Variants in PHF14 observed in about 807,000 individuals in gnomAD.
The protein encoded by PHF14 is PHD finger protein 14.
A neutral mutation model predicts 117.9 loss-of-function variants in PHF14; 55 were observed. The ratio of observed to expected loss-of-function variants is 0.47; its 90% CI spans 0.38 to 0.58. The LOEUF is 0.58. Among genes scored for constraint, PHF14 ranks in the 20% least tolerant of loss-of-function variants. The pLI is 0.00. For missense variants in PHF14, 978 were observed against 1,122.2 expected (o/e 0.87, Z 1.84); for synonymous variants, 409 against 368.6 (o/e 1.11, Z -1.26).
At chr7:11,140,400 T>G (rs1788367307) in intron 17 of PHF14, among the ~76,000 whole-genome samples, 1 of 152,176 alleles carries the variant, frequency 6.6e-6, no homozygotes, top group South Asian at 2.1e-4. Context: ...GCCATTATAG[T>G]ACATTAGGGC....
Position 11,035,639 on chromosome 7 carries a change from G to A in PHF14, c.1456-1G>A. 1.2e-6 allele frequency: 2 copies of A among 1,603,394 alleles called. No individual in the cohort carries two copies. The highest frequency in any genetic ancestry group is 1.7e-6 in the Non-Finnish European group (2 of 1,173,058). Reference sequence around the variant, plus strand: ...TATTTTTCTGTGCTTTCTTTGTATAGGATATAGCAGATCCATTCTTTGCTT... The same window carrying A: ...TATTTTTCTGTGCTTTCTTTGTATAAGATATAGCAGATCCATTCTTTGCTT... On this transcript the variant is annotated splice_acceptor_variant, in intron 7 of 17. Transcript: ENST00000634607. LOFTEE classifies it high-confidence loss of function.
intron 17 of PHF14, among the ~76,000 whole-genome samples, chr7:11,155,259 A>G (rs556448581): frequency 6.6e-6 from 1 of 152,196 alleles, no homozygotes; most frequent in Non-Finnish European, 1.5e-5. Context: ...TGGGTAGTGT[A>G]GGTATCAAAG....
intron 17 of PHF14, among the ~76,000 whole-genome samples, chr7:11,124,204 C>CTA (rs1024822441): frequency 2.0e-5 from 3 of 151,916 alleles, no homozygotes; most frequent in African/African-American, 7.3e-5. Flanking sequence ...AAATTATCTG[C>CTA]AATTTAGCAC....
intron 16 of PHF14, among the ~76,000 whole-genome samples, chr7:11,068,881 CAGAT>C (rs1050953497): frequency 3.3e-5 from 5 of 152,122 alleles, no homozygotes; most frequent in African/African-American, 7.2e-5. Context: ...TTCAGATACT[CAGAT>C]AGTCTTTATT....
At chr7:11,037,629 T>C (rs1384028005) in intron 10 of PHF14, among the ~76,000 whole-genome samples, 1 of 152,204 alleles carries the variant, frequency 6.6e-6, no homozygotes, top group Non-Finnish European at 1.5e-5. Context: ...TTCATGTACC[T>C]CTTCATCGTA....
At position 11,058,401 on chromosome 7, in the gene PHF14, GA is replaced by G. The variant is rs553040147; in HGVS notation, c.2482-3380del. Reference sequence around the variant, plus strand: ...AGTTGCTGCCACTTCATTAAAACTAGAAAAAAAAAATCCCATAGCTTTCAAC... The same window carrying G: ...AGTTGCTGCCACTTCATTAAAACTAGAAAAAAAAATCCCATAGCTTTCAAC... On this transcript the variant is annotated intron_variant, in intron 14 of 17. Coordinates refer to ENST00000634607, the MANE Select transcript of PHF14 (RefSeq NM_001007157.2). 6.2e-3 allele frequency among the ~76,000 whole-genome samples: 932 copies of G among 149,162 alleles called. 4 individuals are homozygous for G. The highest frequency in any genetic ancestry group is 7.2e-3 in the Non-Finnish European group (486 of 67,132).
intron 16 of PHF14, among the ~76,000 whole-genome samples, chr7:11,072,705 C>T (rs1010835232): frequency 1.1e-4 from 15 of 134,442 alleles, no homozygotes; most frequent in Admixed American, 9.0e-4. Context: ...GCTATAAATA[C>T]CTGAGGCTAG....
chr7:11,083,255 C>T (rs985749654), intron 16 of PHF14, among the ~76,000 whole-genome samples: 1 of 152,072 alleles, frequency 6.6e-6, no homozygotes, highest in Admixed American at 6.6e-5. Flanking sequence ...GCTGAGAAAT[C>T]CTTTGTCTGA....
At chr7:10,997,974 A>AGT (rs750701346) in intron 4 of PHF14, among the ~76,000 whole-genome samples, 1 of 152,220 alleles carries the variant, frequency 6.6e-6, no homozygotes, top group Non-Finnish European at 1.5e-5. Flanking sequence ...CTGATTATTA[A>AGT]GGGCTATCTT....
At chr7:11,159,345 G>A (rs1227619914) in intron 17 of PHF14, among the ~76,000 whole-genome samples, 1 of 151,880 alleles carries the variant, frequency 6.6e-6, no homozygotes, top group East Asian at 1.9e-4. Context: ...GTAAACGTGT[G>A]CTATGGTTTG....
intron 2 of PHF14, among the ~76,000 whole-genome samples, chr7:10,977,804 T>A (rs1009990184): frequency 6.6e-6 from 1 of 152,148 alleles, no homozygotes; most frequent in African/African-American, 2.4e-5. Context: ...GTTTTGTAGG[T>A]CCAAAACACA....
chr7:11,063,654 T>C lies in PHF14; in HGVS notation c.2654+1569T>C, dbSNP rs1785318306. Reference sequence around the variant, plus strand: ...TTTTTGCTGTAGGACTTAGAGGTTTTTATTAGGTTTTTTGTTTTGCTTTTG... The same window carrying C: ...TTTTTGCTGTAGGACTTAGAGGTTTCTATTAGGTTTTTTGTTTTGCTTTTG... On this transcript the variant is annotated intron_variant, in intron 16 of 17. Coordinates refer to ENST00000634607, the MANE Select transcript of PHF14 (RefSeq NM_001007157.2). The C allele has an allele frequency of 1.4e-5, 14 of 971,160 alleles. 1 individual carries two copies. In the South Asian group the frequency reaches 5.2e-4, roughly 36 times the overall value. 60.2% of individuals were successfully genotyped at this position (971,160 alleles called of 1,614,324 possible). A position where few individuals can be genotyped will look rare whatever the true frequency, so the allele number is the denominator to read the frequency against.
At chr7:11,100,350 G>C (rs1787042297) in intron 16 of PHF14, among the ~76,000 whole-genome samples, 1 of 151,900 alleles carries the variant, frequency 6.6e-6, no homozygotes, top group South Asian at 2.1e-4. Flanking sequence ...CTGTATCCCA[G>C]ACTATGTTTT....
At chr7:11,164,000 TA>T (rs1789126734) in intron 17 of PHF14, among the ~76,000 whole-genome samples, 1 of 152,216 alleles carries the variant, frequency 6.6e-6, no homozygotes, top group Non-Finnish European at 1.5e-5. Flanking sequence ...GAAACATTAT[TA>T]AAGTATAGAG....
At chr7:11,015,001 TAAG>T (rs1562420822) in intron 5 of PHF14, 8 of 115,938 alleles carry the variant, frequency 6.9e-5, no homozygotes, top group Non-Finnish European at 1.2e-4. Flanking sequence ...CTCTCCAATA[TAAG>T]AGGGGGGGTG....
At chr7:11,110,640 T>A in intron 16 of PHF14, 1 of 424,314 alleles carries the variant, frequency 2.4e-6, no homozygotes, top group Non-Finnish European at 3.1e-6. Flanking sequence ...AAGTACTTTG[T>A]AAAACCAAAC....
At chr7:11,136,128 A>G (rs568437627) in intron 17 of PHF14, among the ~76,000 whole-genome samples, 2 of 152,272 alleles carry the variant, frequency 1.3e-5, no homozygotes, top group East Asian at 1.9e-4. Flanking sequence ...CATTTCTTAC[A>G]TGGTAAAATC....
At chr7:11,160,384 T>C (rs990189732) in intron 17 of PHF14, among the ~76,000 whole-genome samples, 1 of 152,226 alleles carries the variant, frequency 6.6e-6, no homozygotes, top group African/African-American at 2.4e-5. Context: ...TGTGTCTTTT[T>C]GGTAGAATGA....
intron 4 of PHF14, chr7:11,006,849 C>G (rs1438504160): frequency 1.5e-6 from 1 of 651,810 alleles, no homozygotes; most frequent in East Asian, 3.1e-5. Context: ...ACAGGAGCTT[C>G]CTTCACTTTC....
Sources: allele counts gnomAD v4.1 joint callset (sites outside exome capture counted in the v4.1 genomes callset), GRCh38; gene constraint gnomAD v4.1.1; transcripts MANE v1.5; gene names NCBI Gene and HGNC (gene_info 2026-07-23, HGNC 2026-07-21).